FAM20C: variants seen among roughly 807,000 people sequenced by gnomAD.
The protein encoded by FAM20C is FAM20C golgi associated secretory pathway kinase.
In FAM20C, 40 loss-of-function variants were observed where a neutral mutation model predicts 51.5. That is an observed-to-expected ratio of 0.78 (90% CI 0.60 to 1.01). The LOEUF (loss-of-function observed/expected upper bound fraction) is 1.01. FAM20C is among the 50% of genes least tolerant of loss of function. The probability of loss-of-function intolerance (pLI) is 0.00; values close to 1 mark genes in which losing one functional copy is unlikely to be tolerated. For missense variants in FAM20C, 861 were observed against 844.7 expected, an observed-to-expected ratio of 1.02 and a Z score of -0.24; for synonymous variants, 406 against 380.6, an observed-to-expected ratio of 1.07 and a Z score of -0.78.
chr7:254,566 C>T (rs891776704), intron 5 of FAM20C, among the ~76,000 whole-genome samples: 5 of 152,210 alleles, frequency 3.3e-5, no homozygotes, highest in Non-Finnish European at 5.9e-5. Flanking sequence ...GCCTGGACAG[C>T]GCTTGCATTT....
At chr7:230,952 C>T (rs1028373061) in intron 3 of FAM20C, among the ~76,000 whole-genome samples, 4 of 152,186 alleles carry the variant, frequency 2.6e-5, no homozygotes, top group African/African-American at 9.7e-5. Flanking sequence ...CCCGGTGGGT[C>T]CTATAGTCCC....
At chr7:247,865 C>T (rs1036591291) in intron 4 of FAM20C, among the ~76,000 whole-genome samples, 1 of 152,244 alleles carries the variant, frequency 6.6e-6, no homozygotes, top group African/African-American at 2.4e-5. Context: ...CCCTCCACAC[C>T]TGGTCACCTC....
At chr7:195,783 A>T (rs1785839168) in intron 2 of FAM20C, 51 bp downstream of exon 2, 1 of 1,470,998 alleles carries the variant, frequency 6.8e-7, no homozygotes, top group South Asian at 1.5e-5. Context: ...GCTGTGTGGC[A>T]TCAGGGCTGC....
chr7:211,863 A>G (rs1011557434), intron 3 of FAM20C, among the ~76,000 whole-genome samples: 4 of 151,954 alleles, frequency 2.6e-5, no homozygotes, highest in African/African-American at 9.7e-5. Flanking sequence ...GGAGGCAGGG[A>G]CCCCACACCT....
At chr7:222,302 C>A (rs912122501) in intron 3 of FAM20C, among the ~76,000 whole-genome samples, 1 of 152,128 alleles carries the variant, frequency 6.6e-6, no homozygotes, top group Non-Finnish European at 1.5e-5. Context: ...GGTCCAGCCC[C>A]CGGCAGTGAG....
At chr7:257,816 C>T in intron 8 of FAM20C, among the ~76,000 whole-genome samples, 1 of 126,686 alleles carries the variant, frequency 7.9e-6, no homozygotes, top group African/African-American at 3.0e-5. Flanking sequence ...GACCCACTGC[C>T]CGGGGTGCTG....
At position 193,658 on chromosome 7, in the gene FAM20C, C is replaced by A; in HGVS notation, c.459C>A (p.Gly153=). 6.5e-7 allele frequency: 1 copy of A among 1,541,194 alleles called. No homozygotes were observed. The highest frequency in any genetic ancestry group is 1.2e-5 in the South Asian group (1 of 83,562). The change falls in exon 1 of 10, where the codon GGC becomes GGA. Residue 153 remains glycine, a synonymous_variant. Coordinates refer to ENST00000313766, the MANE Select transcript of FAM20C (RefSeq NM_020223.4). ...CGCGTCGGTCCGAGTCGCCCCCCGG[C>A]CCCGGCGGAGACGCCTCCCTCCTGG... ...PGPRRSESPP[G]PGGDASLLAR...
chr7:259,514 CT>C, intron 9 of FAM20C, among the ~76,000 whole-genome samples: 1 of 151,784 alleles, frequency 6.6e-6, no homozygotes, highest in African/African-American at 2.4e-5. Flanking sequence ...TTCTGTCTGT[CT>C]GTCTCTGTCT....
In FAM20C at chr7:245,534, C is replaced by T. The variant is rs533790683; in HGVS notation, c.864-881C>T. Among the ~76,000 whole-genome samples, 174 of 152,300 alleles carry T rather than the reference C, an allele frequency of 1.1e-3. 1 individual carries two copies. Among genetic ancestry groups the T allele is most frequent in the African/African-American group, 3.9e-3 (163 of 41,570 alleles). ...GGACAGGCTCTCCCTCCAGTGGAGG[C>T]AGGGGCCGGCCTTGGTGGGGGAAGC... On this transcript the variant is annotated intron_variant, in intron 3 of 9. Coordinates refer to ENST00000313766, the MANE Select transcript of FAM20C (RefSeq NM_020223.4).
chr7:236,088 G>A (rs1277579562), intron 3 of FAM20C, among the ~76,000 whole-genome samples: 3 of 152,170 alleles, frequency 2.0e-5, no homozygotes, highest in African/African-American at 7.2e-5. Context: ...TGACCGCTTC[G>A]GCCGAGTTCG....
In FAM20C at chr7:246,256, C is replaced by G. The variant is rs1788155063; in HGVS notation, c.864-159C>G. ...CTGCGCTGCTCTGAGGGCCCGTCGG[C>G]AGCTGGGTGCCCAGGGTCCCGAAGG... On this transcript the variant is annotated intron_variant, in intron 3 of 9. Coordinates refer to ENST00000313766, the MANE Select transcript of FAM20C (RefSeq NM_020223.4). 4 of 645,828 alleles carry G rather than the reference C, an allele frequency of 6.2e-6. No homozygotes were observed. The East Asian group carries it at 8.4e-5, about 14-fold the overall frequency. 40.0% of individuals were successfully genotyped at this position (645,828 alleles called of 1,614,324 possible). A position where few individuals can be genotyped will look rare whatever the true frequency, so the allele number is the denominator to read the frequency against.
intron 8 of FAM20C, among the ~76,000 whole-genome samples, chr7:258,373 TGGGCA>T (rs1339048719): frequency 2.0e-5 from 2 of 99,080 alleles, no homozygotes; most frequent in Non-Finnish European, 4.6e-5. Context: ...GTGCTGGAGA[TGGGCA>T]GGGTGGACCC....
chr7:254,749 C>T (rs1426996405), intron 5 of FAM20C, among the ~76,000 whole-genome samples: 3 of 152,202 alleles, frequency 2.0e-5, no homozygotes, highest in East Asian at 1.9e-4. Context: ...CATGAGCAGG[C>T]GGTCACCGTT....
chr7:217,971 G>A (rs1361865398), intron 3 of FAM20C, among the ~76,000 whole-genome samples: 2 of 152,148 alleles, frequency 1.3e-5, no homozygotes, highest in Non-Finnish European at 2.9e-5. Flanking sequence ...CTGGGGTCCT[G>A]TACAGTGGGC....
At chr7:259,271 G>A (rs901941058) in intron 9 of FAM20C, among the ~76,000 whole-genome samples, 8 of 152,082 alleles carry the variant, frequency 5.3e-5, no homozygotes, top group African/African-American at 1.7e-4. Flanking sequence ...TCCTCCTGCC[G>A]GGCCCCTCTG....
intron 3 of FAM20C, among the ~76,000 whole-genome samples, chr7:216,532 G>A (rs1422529073): frequency 6.6e-6 from 1 of 151,906 alleles, no homozygotes; most frequent in Non-Finnish European, 1.5e-5. Flanking sequence ...GGGAGCCCTG[G>A]TCCTTGATGC....
Position 195,597 on chromosome 7 carries a change from G to C in FAM20C, c.649G>C (p.Glu217Gln). 6.2e-7 allele frequency: 1 copy of C among 1,601,958 alleles called. No homozygotes were observed. Among genetic ancestry groups the C allele is most frequent in the South Asian group, 1.1e-5 (1 of 89,408 alleles). ...AGGTGCAGAATTCCTCTCCCCCGGG[G>C]AGGCGGCCGTGGACTCCTATCCCAA... The part of the protein sequence containing the change: ...AEGAEFLSPG[E>Q]AAVDSYPNWL... The change falls in exon 2 of 10, where the codon GAG becomes CAG. Residue 217 changes from glutamate to glutamine, a missense_variant. Physicochemically the swap from Glu to Gln is conservative, Grantham distance 29. Transcript: ENST00000313766.
chr7:199,191 G>A (rs1302632585), intron 2 of FAM20C, among the ~76,000 whole-genome samples: 1 of 152,242 alleles, frequency 6.6e-6, no homozygotes, highest in Non-Finnish European at 1.5e-5. Flanking sequence ...TGTTCCGAGG[G>A]CCCTTCTGAG....
intron 3 of FAM20C, among the ~76,000 whole-genome samples, chr7:230,108 AG>A (rs923749381): frequency 6.6e-6 from 1 of 151,814 alleles, no homozygotes; most frequent in African/African-American, 2.4e-5. Context: ...CGGTCTTTGG[AG>A]GTGTGGTTAA....
Sources: gnomAD v4.1 joint callset for allele counts (sites outside exome capture counted in the v4.1 genomes callset) on GRCh38, gnomAD v4.1.1 for gene constraint, MANE v1.5 for transcripts, NCBI Gene and HGNC (gene_info 2026-07-23, HGNC 2026-07-21) for gene names.